Variants in SLC23A2 observed in about 807,000 individuals in gnomAD.
SLC23A2 encodes Na(+)/L-ascorbic acid transporter 2.
SLC23A2 carries 36 observed loss-of-function variants against 73.3 expected under a neutral mutation model. The observed-to-expected ratio is 0.49, with a 90% confidence interval of 0.38 to 0.65. SLC23A2 has a LOEUF of 0.65. Ranked by LOEUF, SLC23A2 falls within the 30% of genes least tolerant of loss-of-function variation. The pLI, the probability that SLC23A2 is intolerant of heterozygous loss-of-function variation, is 0.00. For synonymous variants in SLC23A2, 343 were observed against 327.3 expected (o/e 1.05, Z -0.52); for missense variants, 507 against 841.6 (o/e 0.60, Z 4.92).
At chr20:5,005,819 T>A (rs1016627539), upstream of SLC23A2, among the ~76,000 whole-genome samples, 3 of 152,072 alleles carry the variant, frequency 2.0e-5, no homozygotes, top group Non-Finnish European at 4.4e-5. Context: ...GAACCCCGTC[T>A]CTACTAAAAA....
Position 4,862,786 on chromosome 20 carries a change from G to A in SLC23A2, c.1478C>T (p.Thr493Met). 2 of 1,613,434 alleles carry A rather than the reference G, an allele frequency of 1.2e-6. No individual in the cohort carries two copies. Among genetic ancestry groups the A allele is most frequent in the Non-Finnish European group, 1.7e-6 (2 of 1,179,642 alleles). Residue 493 changes from threonine to methionine, a missense_variant, in exon 14 of 17, where the codon ACG becomes ATG. By Grantham distance (81) the Thr-to-Met change is moderately conservative. This residue lies in a region of SLC23A2 where 168 missense variants were observed against 302.3 expected (regional missense o/e 0.56). Transcript: ENST00000338244. The surrounding 1 kb of genome is among the most constrained non-coding windows in gnomAD (Gnocchi z 5.1). ...AGAGAGGGGAGTCTTACCAAAGAGC[G>A]TGCAGAACAGGGCTCCCAGCACAGG... Reference protein sequence around the residue: ...PDPVLGALFCTLFGMITAVGL... With the variant: ...PDPVLGALFCMLFGMITAVGL...
intron 1 of SLC23A2, among the ~76,000 whole-genome samples, chr20:4,985,555 C>T (rs577227455): frequency 2.0e-5 from 3 of 151,986 alleles, no homozygotes; most frequent in Admixed American, 6.6e-5. Context: ...TCAAGCAATA[C>T]CCCCACCTCA....
At chr20:4,926,510 C>CT (rs3055953) in intron 3 of SLC23A2, among the ~76,000 whole-genome samples, 1,192 of 105,000 alleles carry the variant, frequency 0.011, 15 homozygotes, top group African/African-American at 0.028. Context: ...ATTTTTTTTG[C>CT]TTTTTTTTTT....
At chr20:4,962,253 C>A (rs201625969) in intron 2 of SLC23A2, among the ~76,000 whole-genome samples, 1 of 151,676 alleles carries the variant, frequency 6.6e-6, no homozygotes, top group Non-Finnish European at 1.5e-5. Context: ...ACCCCCGCCC[C>A]AAAAAAACAG....
At chr20:4,936,813 A>C (rs552263942) in intron 2 of SLC23A2, among the ~76,000 whole-genome samples, 4 of 152,260 alleles carry the variant, frequency 2.6e-5, no homozygotes, top group Admixed American at 1.3e-4. Context: ...CAGTGGGGGA[A>C]CCACTAATGC....
chr20:4,963,002 A>T (rs568525401), intron 2 of SLC23A2, among the ~76,000 whole-genome samples: 1 of 152,284 alleles, frequency 6.6e-6, no homozygotes, highest in African/African-American at 2.4e-5. Context: ...ATCTCAAAAA[A>T]AGTTGCCAGA....
At chr20:4,942,355 C>T (rs1015487489) in intron 2 of SLC23A2, among the ~76,000 whole-genome samples, 2 of 122,584 alleles carry the variant, frequency 1.6e-5, no homozygotes, top group African/African-American at 6.5e-5. Context: ...TTAAAGGAAG[C>T]AGGAAATCGC....
rs1047079766 is a variant in SLC23A2 at position 4,998,328 on chromosome 20, T to C, written c.-282+3078A>G. On this transcript the variant is annotated intron_variant, in intron 1 of 16. Transcript: ENST00000338244. This position sits in a 1 kb window ranked among gnomAD's most constrained non-coding sequence, Gnocchi z 4.1. ...ATATTACCCAGCACAGATCAGGCAC[T>C]CAATGTAATAAATGTATGAAAGGCC... Among the ~76,000 whole-genome samples the C allele has an allele frequency of 2.0e-5, 3 of 152,016 alleles. No homozygotes were observed. Among genetic ancestry groups the C allele is most frequent in the Non-Finnish European group, 4.4e-5 (3 of 68,026 alleles).
chr20:4,993,216 G>A (rs1237338317), intron 1 of SLC23A2, among the ~76,000 whole-genome samples: 1 of 151,106 alleles, frequency 6.6e-6, no homozygotes, highest in African/African-American at 2.4e-5. Flanking sequence ...CCTGGGAGGT[G>A]GAGCTTGCAG....
chr20:4,883,904 A>AT lies in SLC23A2; in HGVS notation c.643-82dup, dbSNP rs879198207. 29 of 995,802 alleles carry AT rather than the reference A, an allele frequency of 2.9e-5. No individual in the cohort carries two copies. The South Asian group carries it at 3.6e-4, about 12-fold the overall frequency. 61.7% of individuals were successfully genotyped at this position (995,802 alleles called of 1,614,324 possible). ...AGAATGTCACCTACAACCACAACTG[A>AT]TAATTCTGCAAGGCAATAAGTTATT... On this transcript the variant is annotated intron_variant, in intron 8 of 16. Coordinates refer to ENST00000338244, the MANE Select transcript of SLC23A2 (RefSeq NM_005116.6). The surrounding 1 kb of genome is among the most constrained non-coding windows in gnomAD (Gnocchi z 4.5).
At chr20:4,910,680 C>T (rs184687075) in intron 4 of SLC23A2, among the ~76,000 whole-genome samples, 171 of 152,290 alleles carry the variant, frequency 1.1e-3, no homozygotes, top group Non-Finnish European at 1.6e-3. Context: ...AAGTGATCCA[C>T]CCATCTCGGC....
At chr20:4,921,153 C>G (rs1001206353) in intron 3 of SLC23A2, among the ~76,000 whole-genome samples, 3 of 152,186 alleles carry the variant, frequency 2.0e-5, no homozygotes, top group African/African-American at 7.2e-5. Flanking sequence ...CCATGATTTG[C>G]TATATGTCAC....
intron 3 of SLC23A2, among the ~76,000 whole-genome samples, chr20:4,925,416 G>A (rs964441833): frequency 3.3e-5 from 5 of 152,072 alleles, no homozygotes; most frequent in South Asian, 2.1e-4. Flanking sequence ...CAAGATTGAC[G>A]TATTTGCTTG....
At position 4,902,987 on chromosome 20, in the gene SLC23A2, C is replaced by T. The variant is rs1931806553; in HGVS notation, c.208-429G>A. 1.3e-5 allele frequency among the ~76,000 whole-genome samples: 2 copies of T among 152,180 alleles called. No homozygotes were observed. Among genetic ancestry groups the T allele is most frequent in the African/African-American group, 4.8e-5 (2 of 41,440 alleles). ...AGAGACAGCACACTGATCTGCCCCTCCCAGCCCACTTCATCCCTGCAAGTA... is the reference window on the plus strand; with the variant it reads ...AGAGACAGCACACTGATCTGCCCCTTCCAGCCCACTTCATCCCTGCAAGTA... On this transcript the variant is annotated intron_variant, in intron 4 of 16. Transcript: ENST00000338244. This position sits in a 1 kb window ranked among gnomAD's most constrained non-coding sequence, Gnocchi z 4.0.
intron 2 of SLC23A2, among the ~76,000 whole-genome samples, chr20:4,937,833 C>CT (rs2086983548): frequency 6.6e-6 from 1 of 152,132 alleles, no homozygotes; most frequent in African/African-American, 2.4e-5. Flanking sequence ...TTTTGCCCTC[C>CT]TTGTGATTTT....
intron 11 of SLC23A2, among the ~76,000 whole-genome samples, chr20:4,873,260 G>A (rs1930517897): frequency 1.3e-5 from 2 of 152,208 alleles, no homozygotes; most frequent in South Asian, 4.1e-4. Flanking sequence ...CTAAGCTCAG[G>A]CTCCAATTCT....
Position 4,968,645 on chromosome 20 carries a change from C to G in SLC23A2, c.-155+2148G>C, listed in dbSNP as rs192142637. Among the ~76,000 whole-genome samples, 346 of 152,182 alleles carry G rather than the reference C, an allele frequency of 2.3e-3. 1 individual carries two copies. The highest frequency in any genetic ancestry group is 7.6e-3 in the African/African-American group (316 of 41,522). On this transcript the variant is annotated intron_variant, in intron 2 of 16. Transcript: ENST00000338244. ...TTAAAGGTGACCTCTAAGAAAAGAGCCAGGTGTCCTCTTCCTTCAGAACTA... is the reference window on the plus strand; with the variant it reads ...TTAAAGGTGACCTCTAAGAAAAGAGGCAGGTGTCCTCTTCCTTCAGAACTA...
chr20:4,986,689 C>CACACACACACACAGAG lies in SLC23A2; in HGVS notation c.-282+14716_-282+14717insCTCTGTGTGTGTGTGT, dbSNP rs71197739. ...ACACACACACACACACACACACACA[C>CACACACACACACAGAG]AGAGATGAATATAAATAGAGAGAAG... On this transcript the variant is annotated intron_variant, in intron 1 of 16. Coordinates refer to ENST00000338244, the MANE Select transcript of SLC23A2 (RefSeq NM_005116.6). Among the ~76,000 whole-genome samples, 937 of 129,656 alleles carry CACACACACACACAGAG rather than the reference C, an allele frequency of 7.2e-3. 7 individuals carry two copies. The highest frequency in any genetic ancestry group is 0.022 in the East Asian group (93 of 4,162). 85.1% of individuals were successfully genotyped at this position (129,656 alleles called of 152,430 possible).
At chr20:4,894,329 C>T (rs1931440530) in intron 6 of SLC23A2, among the ~76,000 whole-genome samples, 1 of 152,102 alleles carries the variant, frequency 6.6e-6, no homozygotes, top group Non-Finnish European at 1.5e-5. Flanking sequence ...TTGGAAAGCA[C>T]CAAAGCCTCC....
Sources: allele counts gnomAD v4.1 joint callset (sites outside exome capture counted in the v4.1 genomes callset), GRCh38; gene constraint gnomAD v4.1.1; regional missense constraint gnomAD v4.1.1; non-coding constraint Gnocchi (gnomAD v3.1); transcripts MANE v1.5; gene names NCBI Gene and HGNC (gene_info 2026-07-23, HGNC 2026-07-21).